DIP2C: variants seen among roughly 807,000 people sequenced by gnomAD.
The protein encoded by DIP2C is DIP2 acetate--CoA ligase C (putative).
Under a neutral mutation model 192.4 loss-of-function variants are expected in DIP2C, and 33 were observed. The ratio of observed to expected loss-of-function variants is 0.17; its 90% confidence interval spans 0.13 to 0.23. The LOEUF is 0.23. Ranked by LOEUF, DIP2C falls within the 10% of genes least tolerant of loss-of-function variation. DIP2C has a pLI of 1.00. For synonymous variants in DIP2C, 979 were observed against 864.1 expected (o/e 1.13, Z -2.33); for missense variants, 1,537 against 2,110.1 (o/e 0.73, Z 5.32).
chr10:278,177 T>G (rs1304855426), intron 36 of DIP2C, among the ~76,000 whole-genome samples: 1 of 150,992 alleles, frequency 6.6e-6, no homozygotes, highest in African/African-American at 2.4e-5. Flanking sequence ...GGGCCGTGCG[T>G]GTGGACGCCT....
rs1321365831 is a variant in DIP2C, at chr10:651,663, G to A, written c.85+37831C>T. 1.4e-5 allele frequency: 5 copies of A among 348,242 alleles called. No individual in the cohort carries two copies. The highest frequency in any genetic ancestry group is 1.6e-4 in the East Asian group (2 of 12,898). 21.6% of individuals were successfully genotyped at this position (348,242 alleles called of 1,614,324 possible). A position where few individuals can be genotyped will look rare whatever the true frequency, so the allele number is the denominator to read the frequency against. On this transcript the variant is annotated intron_variant, in intron 1 of 36. Coordinates refer to ENST00000280886, the MANE Select transcript of DIP2C (RefSeq NM_014974.3). This position sits in a 1 kb window ranked among gnomAD's most constrained non-coding sequence, Gnocchi z 4.1. ...TGAACATTTATTTGAGTGAATTCAC[G>A]TCCCCCAAATTTTCCGTATCCCAAA...
At chr10:561,646 C>T (rs1321299560) in intron 1 of DIP2C, among the ~76,000 whole-genome samples, 1 of 152,170 alleles carries the variant, frequency 6.6e-6, no homozygotes, top group African/African-American at 2.4e-5. Flanking sequence ...TCACAGCTTC[C>T]TTCAAGTCAG....
At chr10:319,199 C>A (rs1247778647) in intron 31 of DIP2C, among the ~76,000 whole-genome samples, 1 of 152,292 alleles carries the variant, frequency 6.6e-6, no homozygotes. Flanking sequence ...AGGCGTGAGC[C>A]ACCGCGCCTG....
intron 4 of DIP2C, among the ~76,000 whole-genome samples, chr10:427,052 T>G (rs1966640187): frequency 6.6e-6 from 1 of 152,252 alleles, no homozygotes; most frequent in African/African-American, 2.4e-5. Context: ...CTAGCTAATG[T>G]AATAAATTAC....
Position 651,434 on chromosome 10 carries a change from T to G in DIP2C, c.85+38060A>C. The G allele has an allele frequency of 1.5e-6, 1 of 686,918 alleles. No individual in the cohort carries two copies. The highest frequency in any genetic ancestry group is 2.7e-6 in the Non-Finnish European group (1 of 374,368). 42.6% of individuals were successfully genotyped at this position (686,918 alleles called of 1,614,324 possible). On this transcript the variant is annotated intron_variant, in intron 1 of 36. Coordinates refer to ENST00000280886, the MANE Select transcript of DIP2C (RefSeq NM_014974.3). This position sits in a 1 kb window ranked among gnomAD's most constrained non-coding sequence, Gnocchi z 4.1. ...TGACTGAATGAACAAGTATGTTAAGTCGTTAAGTAAAAATAGCAGAAGACT... is the reference window on the plus strand; with the variant it reads ...TGACTGAATGAACAAGTATGTTAAGGCGTTAAGTAAAAATAGCAGAAGACT...
chr10:430,675 T>G lies in DIP2C; in HGVS notation c.395-7642A>C, dbSNP rs184194587. ...TTTGACATAGCAGAACATGTTCATT[T>G]TTATTGGAGTCCAGCTTATCAATTA... On this transcript the variant is annotated intron_variant, in intron 4 of 36. Transcript: ENST00000280886. 2.0e-3 allele frequency among the ~76,000 whole-genome samples: 308 copies of G among 152,392 alleles called. 1 individual carries two copies. The highest frequency in any genetic ancestry group is 0.01 in the Middle Eastern group (3 of 294).
intron 31 of DIP2C, among the ~76,000 whole-genome samples, chr10:311,217 C>T (rs746527487): frequency 2.0e-5 from 3 of 152,088 alleles, no homozygotes; most frequent in Non-Finnish European, 2.9e-5. Context: ...AGAGAACCGG[C>T]CCACAGTGAG....
At chr10:612,017 C>T (rs888518029) in intron 1 of DIP2C, among the ~76,000 whole-genome samples, 1 of 152,054 alleles carries the variant, frequency 6.6e-6, no homozygotes. Context: ...TAACCCAGGA[C>T]GGGTGCGGTG....
In DIP2C at chr10:409,644, T is replaced by G. The variant is rs76577647; in HGVS notation, c.1058-627A>C. 5.7e-3 allele frequency among the ~76,000 whole-genome samples: 869 copies of G among 152,314 alleles called. 3 individuals are homozygous for G. Among genetic ancestry groups the G allele is most frequent in the Middle Eastern group, 0.014 (4 of 294 alleles). On this transcript the variant is annotated intron_variant, in intron 8 of 36. Transcript: ENST00000280886. ...AACGGTGTCACTGCCACAAAGTCAC[T>G]CCCGGTGACGTCCCTCATCCACAGC... is the stretch of plus-strand genomic sequence containing the variant.
chr10:456,106 T>C (rs1379069193), intron 3 of DIP2C, among the ~76,000 whole-genome samples: 1 of 75,778 alleles, frequency 1.3e-5, no homozygotes, highest in East Asian at 4.3e-4. Context: ...CTGCAGTGAG[T>C]CCCTGCCTGA....
At position 344,842 on chromosome 10, in the gene DIP2C, G is replaced by A. The variant is rs1226720759; in HGVS notation, c.3420C>T (p.Ser1140=). 1.6e-5 allele frequency: 25 copies of A among 1,602,116 alleles called. No individual in the cohort carries two copies. The highest frequency in any genetic ancestry group is 2.0e-5 in the Non-Finnish European group (23 of 1,175,724). ...CAGCTAGCATCCCAGTTGTGGACAC[G>A]CTGAAGTCGAGATATGCAAGAGTGT... ...NPDTLAYLDF[S]VSTTGMLAGV... is the part of the protein sequence containing the mutation. The change falls in exon 28 of 37, where the codon AGC becomes AGT. Residue 1140 remains serine (S), a synonymous_variant. Coordinates refer to ENST00000280886, the MANE Select transcript of DIP2C (RefSeq NM_014974.3).
rs1206536909 is a variant in DIP2C, at chr10:384,206, A to G, written c.1757-60T>C. On this transcript the variant is annotated intron_variant, in intron 15 of 36. Transcript: ENST00000280886. ...CACCGTCAGATCGTCCCCTATTGCAAAAGAGAGATCATTGTGAGTAGTGGG... is the reference window on the plus strand; with the variant it reads ...CACCGTCAGATCGTCCCCTATTGCAGAAGAGAGATCATTGTGAGTAGTGGG... 6 of 1,590,868 alleles carry G rather than the reference A, an allele frequency of 3.8e-6. No individual in the cohort carries two copies. The East Asian group carries it at 9.1e-5, about 24-fold the overall frequency.
intron 4 of DIP2C, among the ~76,000 whole-genome samples, chr10:423,687 G>T (rs963464868): frequency 1.5e-4 from 23 of 151,624 alleles, no homozygotes; most frequent in African/African-American, 5.4e-4. Flanking sequence ...GCGTTGGTGT[G>T]TTAGATAACC....
At chr10:395,730 C>G (rs568342772) in intron 10 of DIP2C, among the ~76,000 whole-genome samples, 1 of 152,346 alleles carries the variant, frequency 6.6e-6, no homozygotes, top group South Asian at 2.1e-4. Context: ...GGTTTTGGTG[C>G]TTGGTGATAA....
intron 3 of DIP2C, among the ~76,000 whole-genome samples, chr10:448,452 C>T (rs1968512725): frequency 7.0e-6 from 1 of 141,904 alleles, no homozygotes; most frequent in South Asian, 2.3e-4. Flanking sequence ...AGTGGGGCAG[C>T]AGGACCCACT....
intron 1 of DIP2C, among the ~76,000 whole-genome samples, chr10:516,047 A>G (rs531376048): frequency 6.6e-5 from 10 of 151,440 alleles, no homozygotes; most frequent in South Asian, 2.1e-4. Context: ...GATCTAGTCC[A>G]GTGGGATGGT....
At chr10:371,984 T>A (rs1267765450) in intron 17 of DIP2C, among the ~76,000 whole-genome samples, 1 of 152,030 alleles carries the variant, frequency 6.6e-6, no homozygotes, top group African/African-American at 2.4e-5. Flanking sequence ...TTGAGAACAC[T>A]GACCTGCCGG....
intron 2 of DIP2C, chr10:484,744 C>CT: frequency 6.2e-7 from 1 of 1,601,552 alleles, no homozygotes; most frequent in Non-Finnish European, 8.5e-7. Context: ...AATGTGTACC[C>CT]TGCTGTGGGG....
chr10:603,015 G>A (rs957203839), intron 1 of DIP2C, among the ~76,000 whole-genome samples: 1 of 152,032 alleles, frequency 6.6e-6, no homozygotes, highest in African/African-American at 2.4e-5. Context: ...ATTAGGCAAA[G>A]AATCCACCCT....
Sources: allele counts gnomAD v4.1 joint callset (sites outside exome capture counted in the v4.1 genomes callset), GRCh38; gene constraint gnomAD v4.1.1; non-coding constraint Gnocchi (gnomAD v3.1); transcripts MANE v1.5; gene names NCBI Gene and HGNC (gene_info 2026-07-23, HGNC 2026-07-21).